SRGAP1: variants seen among roughly 807,000 people sequenced by gnomAD.
The protein encoded by SRGAP1 is SLIT-ROBO Rho GTPase-activating protein 1.
SRGAP1 carries 43 observed loss-of-function variants against 121.9 expected under a neutral mutation model. That is an observed-to-expected ratio of 0.35 (90% CI 0.28 to 0.46). SRGAP1 has a LOEUF of 0.46. SRGAP1 is among the 20% of genes least tolerant of loss of function. The pLI, the probability that SRGAP1 is intolerant of heterozygous loss-of-function variation, is 1.00. For missense variants in SRGAP1, 1,102 were observed against 1,350.9 expected (o/e 0.82, Z 2.89); for synonymous variants, 447 against 485.4 (o/e 0.92, Z 1.04).
intron 21 of SRGAP1, among the ~76,000 whole-genome samples, chr12:64,140,458 A>T (rs1304286814): frequency 1.0e-3 from 154 of 148,558 alleles, no homozygotes; most frequent in African/African-American, 3.6e-3. Context: ...GGTCCTTCAC[A>T]TCCCTTGTAA....
At chr12:63,905,992 A>T (rs2030186683) in intron 1 of SRGAP1, among the ~76,000 whole-genome samples, 2 of 152,168 alleles carry the variant, frequency 1.3e-5, no homozygotes, top group South Asian at 4.1e-4. Context: ...CAGGTGTAAA[A>T]TATTTTCATT....
At chr12:64,011,477 A>G (rs2034249934) in intron 3 of SRGAP1, among the ~76,000 whole-genome samples, 1 of 152,188 alleles carries the variant, frequency 6.6e-6, no homozygotes, top group Non-Finnish European at 1.5e-5. Flanking sequence ...AAATGTTTAT[A>G]CTTTTATGCT....
At chr12:64,012,975 T>C (rs1565638684) in intron 3 of SRGAP1, among the ~76,000 whole-genome samples, 1 of 152,018 alleles carries the variant, frequency 6.6e-6, no homozygotes, top group Non-Finnish European at 1.5e-5. Context: ...TGAGCTCAAG[T>C]AATCTTCCTG....
chr12:64,137,034 C>A (rs1044246592), intron 21 of SRGAP1, among the ~76,000 whole-genome samples: 1 of 151,986 alleles, frequency 6.6e-6, no homozygotes, highest in African/African-American at 2.4e-5. Flanking sequence ...GAGGCTGAGG[C>A]GCATGGATCA....
At chr12:64,063,186 A>C (rs781357821) in intron 7 of SRGAP1, 48 bp downstream of exon 7, 1 of 1,485,920 alleles carries the variant, frequency 6.7e-7, no homozygotes, top group African/African-American at 1.4e-5. Flanking sequence ...CTTCACTTAT[A>C]TTTCTCCTCA....
intron 1 of SRGAP1, among the ~76,000 whole-genome samples, chr12:63,859,357 G>A (rs1899367149): frequency 6.6e-6 from 1 of 151,940 alleles, no homozygotes; most frequent in Non-Finnish European, 1.5e-5. Flanking sequence ...AGTAGAGATG[G>A]GGTTTCACCA....
At chr12:63,911,769 A>C (rs562183632) in intron 1 of SRGAP1, among the ~76,000 whole-genome samples, 1 of 152,330 alleles carries the variant, frequency 6.6e-6, no homozygotes, top group South Asian at 2.1e-4. Context: ...AAGCTTACCT[A>C]AACAGTCTTG....
chr12:63,961,573 A>G (rs1322515569), intron 1 of SRGAP1, among the ~76,000 whole-genome samples: 7 of 152,216 alleles, frequency 4.6e-5, no homozygotes, highest in African/African-American at 1.7e-4. Flanking sequence ...TGACCAGGAC[A>G]GAGCCCCCAT....
intron 1 of SRGAP1, among the ~76,000 whole-genome samples, chr12:63,930,466 A>G (rs915005205): frequency 3.9e-5 from 6 of 152,120 alleles, no homozygotes; most frequent in Non-Finnish European, 7.3e-5. Flanking sequence ...ATGATAAAAC[A>G]TAGGAACTTT....
intron 8 of SRGAP1, among the ~76,000 whole-genome samples, chr12:64,075,773 C>G (rs1252819119): frequency 6.6e-6 from 1 of 152,088 alleles, no homozygotes; most frequent in Non-Finnish European, 1.5e-5. Context: ...AGTATCTACT[C>G]TTTGCATTGT....
Position 64,014,122 on chromosome 12 carries a change from TATGAG to T in SRGAP1, c.427-2825_427-2821del, listed in dbSNP as rs1276177362. ...ATCTTATTAACACTTACAAGAACCT[TATGAG>T]ATAAGTACAATGCCTATATTCATTT... On this transcript the variant is annotated intron_variant, in intron 3 of 21. Transcript: ENST00000355086. Among the ~76,000 whole-genome samples the T allele has an allele frequency of 3.3e-5, 5 of 152,306 alleles. No individual in the cohort carries two copies. The East Asian group carries it at 9.6e-4, about 29-fold the overall frequency.
intron 1 of SRGAP1, among the ~76,000 whole-genome samples, chr12:63,942,871 A>G (rs2031915585): frequency 6.6e-6 from 1 of 152,238 alleles, no homozygotes; most frequent in Non-Finnish European, 1.5e-5. Flanking sequence ...CTCACTAAAT[A>G]TATAGATAGG....
chr12:64,142,698 G>T lies in SRGAP1; in HGVS notation c.*26G>T. 1.3e-6 allele frequency: 2 copies of T among 1,573,510 alleles called. No individual in the cohort carries two copies. The highest frequency in any genetic ancestry group is 2.3e-5 in the South Asian group (2 of 86,892). On this transcript the variant is annotated 3_prime_UTR_variant, in exon 22 of 22. Coordinates refer to ENST00000355086, the MANE Select transcript of SRGAP1 (RefSeq NM_020762.4). Reference sequence around the variant, plus strand: ...AAACCAGCCAAGCAAGGCCATAAAGGGAGGTGACTTAAAAAAGAAAATGGA... The same window carrying T: ...AAACCAGCCAAGCAAGGCCATAAAGTGAGGTGACTTAAAAAAGAAAATGGA...
chr12:64,080,870 A>G (rs2035825967), intron 10 of SRGAP1: 1 of 198,744 alleles, frequency 5.0e-6, no homozygotes, highest in Admixed American at 5.3e-5. Context: ...TAGTTGAGAA[A>G]CAATCTTAAA....
intron 1 of SRGAP1, among the ~76,000 whole-genome samples, chr12:63,943,556 T>A (rs1024278321): frequency 6.6e-6 from 1 of 152,244 alleles, no homozygotes; most frequent in African/African-American, 2.4e-5. Flanking sequence ...GTAAGAAATT[T>A]GAACCCAAGT....
intron 1 of SRGAP1, among the ~76,000 whole-genome samples, chr12:63,936,049 AT>A (rs2031651118): frequency 6.6e-6 from 1 of 152,146 alleles, no homozygotes; most frequent in South Asian, 2.1e-4. Flanking sequence ...AGTAACTTTT[AT>A]TTTCTTAATA....
At chr12:64,084,023 AAAAGGACTGG>A (rs1358845715) in intron 10 of SRGAP1, among the ~76,000 whole-genome samples, 3 of 152,216 alleles carry the variant, frequency 2.0e-5, no homozygotes, top group Non-Finnish European at 4.4e-5. Flanking sequence ...TTAAGGAAGA[AAAAGGACTGG>A]AAAGTAATGC....
chr12:63,916,739 T>C (rs974702322), intron 1 of SRGAP1, among the ~76,000 whole-genome samples: 11 of 152,178 alleles, frequency 7.2e-5, no homozygotes, highest in African/African-American at 2.4e-4. Flanking sequence ...CCTAGGATGA[T>C]ATAAAAGTCA....
chr12:63,903,081 AGT>A (rs1039092724), intron 1 of SRGAP1, among the ~76,000 whole-genome samples: 4 of 150,760 alleles, frequency 2.7e-5, no homozygotes, highest in African/African-American at 7.3e-5. Flanking sequence ...ATATATATAA[AGT>A]GTGTGTGTAT....
Sources: allele counts gnomAD v4.1 joint callset (sites outside exome capture counted in the v4.1 genomes callset), GRCh38; gene constraint gnomAD v4.1.1; transcripts MANE v1.5; gene names NCBI Gene and HGNC (gene_info 2026-07-23, HGNC 2026-07-21).